SORD: variants seen among roughly 807,000 people sequenced by gnomAD.
SORD encodes the protein sorbitol dehydrogenase.
In SORD, 18 loss-of-function variants were observed where a neutral mutation model predicts 35.6. That is an observed-to-expected ratio of 0.51 (90% confidence interval 0.35 to 0.75). The LOEUF is 0.75. Ranked by LOEUF, SORD falls within the 30% of genes least tolerant of loss-of-function variation. The pLI is 0.01. For missense variants in SORD, 250 were observed against 390.2 expected (o/e 0.64, Z 3.03); for synonymous variants, 106 against 152.9 (o/e 0.69, Z 2.26).
At chr15:45,062,493 T>C (rs1457312989) in intron 4 of SORD, among the ~76,000 whole-genome samples, 2 of 151,922 alleles carry the variant, frequency 1.3e-5, no homozygotes, top group African/African-American at 4.8e-5. Flanking sequence ...TCAGCCAGGA[T>C]GGGGCTTGTC....
intron 1 of SORD, among the ~76,000 whole-genome samples, chr15:45,039,361 C>T (rs907558259): frequency 6.6e-6 from 1 of 152,172 alleles, no homozygotes; most frequent in Non-Finnish European, 1.5e-5. Flanking sequence ...CTCCTGACCT[C>T]AAGTGATCCG....
intron 1 of SORD, among the ~76,000 whole-genome samples, chr15:45,038,126 CCCTTCCTTCCTTCCTT>C (rs71114304): frequency 0.097 from 11,844 of 122,238 alleles, 762 homozygotes; most frequent in African/African-American, 0.16. Flanking sequence ...CTCGCATCCT[CCCTTCCTTCCTTCCTT>C]CCTTCCTTCC....
intron 1 of SORD, among the ~76,000 whole-genome samples, chr15:45,023,717 C>A (rs558898730): frequency 5.3e-5 from 8 of 152,326 alleles, no homozygotes; most frequent in African/African-American, 1.9e-4. Flanking sequence ...ATTATCGGGG[C>A]AGACCGTGCA....
chr15:45,055,260 A>G (rs937661309), intron 3 of SORD, among the ~76,000 whole-genome samples: 39 of 152,318 alleles, frequency 2.6e-4, no homozygotes, highest in Admixed American at 7.8e-4. Context: ...CTAATAAGGA[A>G]AAAAAGAGAA....
At chr15:45,061,895 C>T (rs1466324757) in intron 4 of SORD, among the ~76,000 whole-genome samples, 7 of 151,990 alleles carry the variant, frequency 4.6e-5, no homozygotes, top group East Asian at 1.9e-4. Context: ...ACAATGACCT[C>T]GACAATAGCA....
At chr15:45,028,548 A>C (rs544909301) in intron 1 of SORD, among the ~76,000 whole-genome samples, 38 of 152,354 alleles carry the variant, frequency 2.5e-4, no homozygotes, top group Admixed American at 2.5e-3. Flanking sequence ...GAGGGGATGT[A>C]GTCAGATTTT....
At chr15:45,039,588 T>C (rs1196757916) in intron 1 of SORD, among the ~76,000 whole-genome samples, 2 of 152,238 alleles carry the variant, frequency 1.3e-5, no homozygotes, top group African/African-American at 4.8e-5. Flanking sequence ...CTGCTACTAC[T>C]ACTAGCTGTG....
rs751208132 is a variant in SORD at position 45,073,484 on chromosome 15, G to A, written c.1028G>A (p.Gly343Glu). The A allele has an allele frequency of 1.3e-5, 20 of 1,551,516 alleles. No homozygotes were observed. Among genetic ancestry groups the A allele is most frequent in the Non-Finnish European group, 1.6e-5 (19 of 1,159,892 alleles). Residue 343 changes from glycine (G) to glutamate (E), a missense_variant, in exon 9 of 9, where the codon GGG becomes GAG. Physicochemically the swap from Gly to Glu is moderately conservative, Grantham distance 98 (BLOSUM62 -2). Around this residue, in one of 8 missense-constraint regions of SORD, gnomAD observed 17 missense variants for 26.2 expected, o/e 0.65. Coordinates refer to ENST00000267814, the MANE Select transcript of SORD (RefSeq NM_003104.6). ...EAFETFKKGLGLKIMLKCDPS... is the reference protein window; with the variant it reads ...EAFETFKKGLELKIMLKCDPS... The stretch of plus-strand genomic sequence containing the variant: ...TTTGAAACATTTAAAAAGGGATTGG[G>A]GTTGAAAATCATGCTCAAGTGTGAC...
At chr15:45,032,845 T>A (rs1289424968) in intron 1 of SORD, among the ~76,000 whole-genome samples, 1 of 151,748 alleles carries the variant, frequency 6.6e-6, no homozygotes, top group Non-Finnish European at 1.5e-5. Context: ...CCTCCCACCC[T>A]TAAAACACGC....
intron 1 of SORD, among the ~76,000 whole-genome samples, chr15:45,038,181 T>TTCCC (rs1892904071): frequency 7.3e-6 from 1 of 136,800 alleles, no homozygotes. Context: ...CCTTCCTTCC[T>TTCCC]TCCTTCCTTC....
chr15:45,042,784 T>A (rs1216888558), intron 2 of SORD, among the ~76,000 whole-genome samples: 1 of 151,384 alleles, frequency 6.6e-6, no homozygotes, highest in Non-Finnish European at 1.5e-5. Flanking sequence ...ACCACTAAGA[T>A]ATATGTGTAT....
rs1364466772 is a variant in SORD at position 45,023,240 on chromosome 15, C to T, written c.-44C>T. ...GGGTAGCGCCACCAGAGCGACCAAA[C>T]GTCCCGCGCCTTCCAGGCCGCACTC... is the stretch of plus-strand genomic sequence containing the variant. On this transcript the variant is annotated 5_prime_UTR_variant, in exon 1 of 9. It adds an upstream start codon to the 5' untranslated region. Coordinates refer to ENST00000267814, the MANE Select transcript of SORD (RefSeq NM_003104.6). 3.3e-6 allele frequency: 5 copies of T among 1,493,608 alleles called. No individual in the cohort carries two copies. In the African/African-American group the frequency reaches 7.0e-5, roughly 21 times the overall value. The allele number at this position is 1,493,608 out of a possible 1,614,324, so 92.5% of individuals were successfully genotyped here. A position where few individuals can be genotyped will look rare whatever the true frequency, so the allele number is the denominator to read the frequency against.
chr15:45,034,456 A>G (rs903029603), intron 1 of SORD, among the ~76,000 whole-genome samples: 2 of 152,248 alleles, frequency 1.3e-5, no homozygotes, highest in African/African-American at 2.4e-5. Context: ...AAAGGGACCA[A>G]TGACGACATA....
At chr15:45,073,140 G>A (rs1340159029) in intron 8 of SORD, among the ~76,000 whole-genome samples, 1 of 131,316 alleles carries the variant, frequency 7.6e-6, no homozygotes, top group Non-Finnish European at 1.5e-5. Context: ...GGCAGACGTG[G>A]CAGAGTGAGC....
At chr15:45,068,763 G>C (rs1893452410) in intron 6 of SORD, 114 bp from the exon 7 acceptor site, 6 of 1,370,680 alleles carry the variant, frequency 4.4e-6, no homozygotes, top group Non-Finnish European at 4.8e-6. Context: ...ACCACCCATT[G>C]CACGAGAGCT....
intron 1 of SORD, among the ~76,000 whole-genome samples, chr15:45,037,677 CCTT>C: frequency 6.6e-6 from 1 of 152,210 alleles, no homozygotes; most frequent in Middle Eastern, 3.4e-3. Context: ...TGGAAGCCAT[CCTT>C]CTCAGCAAAC....
intron 1 of SORD, among the ~76,000 whole-genome samples, chr15:45,031,558 TA>T (rs1308469881): frequency 6.6e-6 from 1 of 152,276 alleles, no homozygotes; most frequent in African/African-American, 2.4e-5. Flanking sequence ...GCTGTTTTTA[TA>T]CCCTGCATAG....
intron 1 of SORD, among the ~76,000 whole-genome samples, chr15:45,036,641 G>A (rs553094642): frequency 6.6e-6 from 1 of 152,220 alleles, no homozygotes; most frequent in South Asian, 2.1e-4. Flanking sequence ...GGTTGAGGCT[G>A]CAGTGAGCCG....
rs1339607548 is a variant in SORD, at chr15:45,073,626, A to G, written c.*96A>G. 3.9e-6 allele frequency: 5 copies of G among 1,290,944 alleles called. No homozygotes were observed. The highest frequency in any genetic ancestry group is 5.3e-6 in the Non-Finnish European group (5 of 945,852). The allele number at this position is 1,290,944 out of a possible 1,614,324, so 80.0% of individuals were successfully genotyped here. A position where few individuals can be genotyped will look rare whatever the true frequency, so the allele number is the denominator to read the frequency against. On this transcript the variant is annotated 3_prime_UTR_variant, in exon 9 of 9. Transcript: ENST00000267814. ...TCTGATGCAGAACTTTCTCTTTTGA[A>G]TGTTAAGAATAACTAATACAATTCA...
Sources: allele counts gnomAD v4.1 joint callset (sites outside exome capture counted in the v4.1 genomes callset), GRCh38; gene constraint gnomAD v4.1.1; regional missense constraint gnomAD v4.1.1; transcripts MANE v1.5; gene names NCBI Gene and HGNC (gene_info 2026-07-23, HGNC 2026-07-21).